The following GDF1 variants were observed in gnomAD, a reference collection of about 807,000 sequenced individuals.
GDF1 encodes embryonic growth/differentiation factor 1.
Under a neutral mutation model 7.4 loss-of-function variants are expected in GDF1, and 8 were observed. That is an observed-to-expected ratio of 1.09 (90% confidence interval 0.64 to 1.96). GDF1 has a LOEUF of 1.96. Among genes scored for constraint, GDF1 ranks in the 30% most tolerant of loss-of-function variants. The probability of loss-of-function intolerance (pLI) is 0.00; values close to 1 mark genes in which losing one functional copy is unlikely to be tolerated. For synonymous variants in GDF1, 311 were observed against 276.7 expected (o/e 1.12, Z -1.23); for missense variants, 574 against 551.5 (o/e 1.04, Z -0.41).
At chr19:18,893,635 G>C in intron 1 of GDF1, 60 bp from the exon 2 acceptor site, 3 of 1,528,854 alleles carry the variant, frequency 2.0e-6, no homozygotes, top group Non-Finnish European at 1.8e-6. Flanking sequence ...CTGCTCCTTT[G>C]GGGTGGGGAA....
intron 6 of GDF1, among the ~76,000 whole-genome samples, chr19:18,877,697 G>A (rs2056084446): frequency 6.6e-6 from 1 of 150,466 alleles, no homozygotes; most frequent in African/African-American, 2.5e-5. Flanking sequence ...GGCGGTTGCA[G>A]CGAGCCGAGA....
chr19:18,892,985 C>T (rs2056530752), intron 2 of GDF1, among the ~76,000 whole-genome samples: 2 of 143,124 alleles, frequency 1.4e-5, no homozygotes, highest in Admixed American at 6.9e-5. Context: ...GGCGCGAACT[C>T]GGCTCACTGC....
chr19:18,872,717 T>TG (rs2055996502), intron 6 of GDF1, among the ~76,000 whole-genome samples: 3 of 68,870 alleles, frequency 4.4e-5, no homozygotes, highest in African/African-American at 1.7e-4. Context: ...GGTTTTACCA[T>TG]GTTGGCCAGG....
Position 18,870,728 on chromosome 19 carries a change from GC to G in GDF1, c.-312-110del, listed in dbSNP as rs2055953737. The G allele has an allele frequency of 2.2e-6, 1 of 457,052 alleles. No homozygotes were observed. Among genetic ancestry groups the G allele is most frequent in the African/African-American group, 2.1e-5 (1 of 48,778 alleles). The allele number at this position is 457,052 out of a possible 1,614,324, so 28.3% of individuals were successfully genotyped here. On this transcript the variant is annotated intron_variant, in intron 6 of 7. Coordinates refer to ENST00000247005, the MANE Select transcript of GDF1 (RefSeq NM_001492.6). This position sits in a 1 kb window ranked among gnomAD's most constrained non-coding sequence, Gnocchi z 5.1. ...CACACCCCCTGGCTCCTTTTACCCG[GC>G]CAGGCCCGGGCCTCGCCTTGTGGCT...
chr19:18,880,135 TG>T, intron 4 of GDF1, 138 bp downstream of exon 4: 1 of 612,886 alleles, frequency 1.6e-6, no homozygotes, highest in Non-Finnish European at 2.5e-6. Flanking sequence ...ACCCAAATCA[TG>T]AGGCCCCTCC....
Position 18,895,866 on chromosome 19 carries a change from GC to G in GDF1, c.-1117del. On this transcript the variant is annotated 5_prime_UTR_variant, in exon 1 of 8. The change creates a premature stop within an existing upstream ORF in the 5' untranslated region. Coordinates refer to ENST00000247005, the MANE Select transcript of GDF1 (RefSeq NM_001492.6). This position sits in a 1 kb window ranked among gnomAD's most constrained non-coding sequence, Gnocchi z 6.4. ...TGGCCGCGGAGCGCAGGGCGGTCCA[GC>G]CCAGCGCGCCGAGCGCCAGCAGCAG... The G allele has an allele frequency of 7.8e-7, 1 of 1,288,210 alleles. No individual in the cohort carries two copies. The highest frequency in any genetic ancestry group is 2.1e-5 in the South Asian group (1 of 48,404). The allele number at this position is 1,288,210 out of a possible 1,614,324, so 79.8% of individuals were successfully genotyped here. A position where few individuals can be genotyped will look rare whatever the true frequency, so the allele number is the denominator to read the frequency against.
In GDF1 at chr19:18,868,672, G is replaced by A. The variant is rs1376520680; in HGVS notation, c.1044C>T (p.Leu348=). 6.4e-7 allele frequency: 1 copy of A among 1,573,670 alleles called. No homozygotes were observed. The highest frequency in any genetic ancestry group is 1.2e-5 in the South Asian group (1 of 85,920). ...VPARLSPISV[L]FFDNSDNVVL... is the part of the protein sequence containing the mutation. ...CCACGTTGTCGCTGTTGTCAAAGAA[G>A]AGCACGGAGATGGGCGACAGGCGCG... Residue 348 remains leucine, a synonymous_variant, in exon 8 of 8, where the codon CTC becomes CTT. Coordinates refer to ENST00000247005, the MANE Select transcript of GDF1 (RefSeq NM_001492.6).
intron 5 of GDF1, 26 bp downstream of exon 5, chr19:18,879,215 G>A (rs1601162464): frequency 6.2e-7 from 1 of 1,613,162 alleles, no homozygotes; most frequent in Non-Finnish European, 8.5e-7. Context: ...GACCGCCACT[G>A]TGGAGGAGAG....
At chr19:18,881,364 G>A (rs930822665) in intron 3 of GDF1, among the ~76,000 whole-genome samples, 1 of 151,902 alleles carries the variant, frequency 6.6e-6, no homozygotes, top group Non-Finnish European at 1.5e-5. Flanking sequence ...GGCATTACAG[G>A]TATGTGCCAC....
In GDF1 at chr19:18,879,349, C is replaced by G; in HGVS notation, c.-531G>C. 6.3e-7 allele frequency: 1 copy of G among 1,596,630 alleles called. No individual in the cohort carries two copies. The highest frequency in any genetic ancestry group is 8.5e-7 in the Non-Finnish European group (1 of 1,171,854). On this transcript the variant is annotated 5_prime_UTR_variant, in exon 5 of 8. Coordinates refer to ENST00000247005, the MANE Select transcript of GDF1 (RefSeq NM_001492.6). ...GCAGACTGCAGTGACTGGTGGCATA[C>G]AGGACCTTGAGCGGGAACCAGTAGA...
chr19:18,874,747 G>A (rs2056032232), intron 6 of GDF1, among the ~76,000 whole-genome samples: 1 of 152,208 alleles, frequency 6.6e-6, no homozygotes, highest in South Asian at 2.1e-4. Flanking sequence ...AGGGCCATGA[G>A]GAGGACAGGG....
At position 18,869,186 on chromosome 19, in the gene GDF1, T is replaced by TCCGCGC. The variant is rs1296372173; in HGVS notation, c.524_529dup (p.Gly175_Ala176dup). The TCCGCGC allele has an allele frequency of 1.5e-5, 18 of 1,173,868 alleles. No individual in the cohort carries two copies. Among genetic ancestry groups the TCCGCGC allele is most frequent in the Middle Eastern group, 3.6e-4 (1 of 2,814 alleles). The allele number at this position is 1,173,868 out of a possible 1,614,324, so 72.7% of individuals were successfully genotyped here. Reference sequence around the variant, plus strand: ...CTGGCGGAGCAGCACCGGCCCGGGGTCCGCGCCCGCGCCCTGGCCCGCTTG... The same window carrying TCCGCGC: ...CTGGCGGAGCAGCACCGGCCCGGGGTCCGCGCCCGCGCCCGCGCCCTGGCCCGCTTG... On this transcript the variant is annotated inframe_insertion, in exon 8 of 8. Transcript: ENST00000247005.
rs1158982977 is a variant in GDF1 at position 18,868,682 on chromosome 19, A to G, written c.1034T>C (p.Ile345Thr). 1.3e-6 allele frequency: 2 copies of G among 1,569,782 alleles called. No homozygotes were observed. Among genetic ancestry groups the G allele is most frequent in the East Asian group, 2.3e-5 (1 of 42,664 alleles). ...PCCVPARLSP[I>T]SVLFFDNSDN... Reference sequence around the variant, plus strand: ...GCTGTTGTCAAAGAAGAGCACGGAGATGGGCGACAGGCGCGCGGGCACGCA... The same window carrying G: ...GCTGTTGTCAAAGAAGAGCACGGAGGTGGGCGACAGGCGCGCGGGCACGCA... Residue 345 changes from isoleucine (I) to threonine (T), a missense_variant, in exon 8 of 8, where the codon ATC becomes ACC. Ile to Thr is a moderately conservative substitution (Grantham distance 89). Transcript: ENST00000247005.
chr19:18,872,699 A>ATATT (rs750481471), intron 6 of GDF1, among the ~76,000 whole-genome samples: 97 of 46,028 alleles, frequency 2.1e-3, no homozygotes, highest in Middle Eastern at 7.2e-3. Flanking sequence ...TATTTTTAGT[A>ATATT]GAGATGCGGT....
In GDF1 at chr19:18,879,408, G is replaced by C; in HGVS notation, c.-570-20C>G. On this transcript the variant is annotated intron_variant, in intron 4 of 7. Transcript: ENST00000247005. ...CAGAACCTGCGGTGGGAGGAGTCAGGAGGCCGTGGGTGGAGGGGGACGGTG... is the reference window on the plus strand; with the variant it reads ...CAGAACCTGCGGTGGGAGGAGTCAGCAGGCCGTGGGTGGAGGGGGACGGTG... The C allele has an allele frequency of 5.2e-6, 8 of 1,553,076 alleles. No individual in the cohort carries two copies. The highest frequency in any genetic ancestry group is 7.0e-6 in the Non-Finnish European group (8 of 1,148,194).
chr19:18,881,409 G>A (rs940942429), intron 3 of GDF1, among the ~76,000 whole-genome samples: 5 of 151,552 alleles, frequency 3.3e-5, no homozygotes, highest in South Asian at 2.1e-4. Context: ...TAGTAGAGAC[G>A]GGGTTTCACC....
chr19:18,877,976 C>T (rs1409304426), intron 6 of GDF1: 8 of 985,326 alleles, frequency 8.1e-6, no homozygotes, highest in Non-Finnish European at 8.4e-6. Flanking sequence ...ATGGGTTCTC[C>T]CTTCCAAACA....
rs2056598468 is a variant in GDF1 at position 18,895,319 on chromosome 19, G to A, written c.-1074+505C>T. 6.6e-6 allele frequency among the ~76,000 whole-genome samples: 1 copy of A among 152,208 alleles called. No individual in the cohort carries two copies. Among genetic ancestry groups the A allele is most frequent in the Admixed American group, 6.5e-5 (1 of 15,286 alleles). On this transcript the variant is annotated intron_variant, in intron 1 of 7. Coordinates refer to ENST00000247005, the MANE Select transcript of GDF1 (RefSeq NM_001492.6). This position sits in a 1 kb window ranked among gnomAD's most constrained non-coding sequence, Gnocchi z 6.4. Reference sequence around the variant, plus strand: ...AAAACGGGCAGCGGACCTCGCTCCGGGCCGGGGCGCAGCCCGCATGGCAGG... The same window carrying A: ...AAAACGGGCAGCGGACCTCGCTCCGAGCCGGGGCGCAGCCCGCATGGCAGG...
chr19:18,886,792 C>T (rs1432010057), intron 2 of GDF1, among the ~76,000 whole-genome samples: 2 of 152,224 alleles, frequency 1.3e-5, no homozygotes, highest in Non-Finnish European at 2.9e-5. Flanking sequence ...CGACAACTTT[C>T]ATCTCGGCCT....
Sources: gnomAD v4.1 joint callset for allele counts (sites outside exome capture counted in the v4.1 genomes callset) on GRCh38, gnomAD v4.1.1 for gene constraint, Gnocchi (gnomAD v3.1) non-coding constraint, MANE v1.5 for transcripts, NCBI Gene and HGNC (gene_info 2026-07-23, HGNC 2026-07-21) for gene names.